Variants in ITGA9 observed in about 807,000 individuals in gnomAD.
The protein encoded by ITGA9 is integrin subunit alpha 9, also known as integrin alpha-9.
In ITGA9, 56 loss-of-function variants were observed where a neutral mutation model predicts 127.8. The ratio of observed to expected loss-of-function variants is 0.44; its 90% CI spans 0.35 to 0.55. ITGA9 has a LOEUF of 0.55. ITGA9 is among the 20% of genes least tolerant of loss of function. The pLI is 0.00. For synonymous variants in ITGA9, 508 were observed against 514.5 expected (o/e 0.99, Z 0.17); for missense variants, 1,196 against 1,347.1 (o/e 0.89, Z 1.76).
At chr3:37,478,491 C>G (rs1698517482) in intron 3 of ITGA9, among the ~76,000 whole-genome samples, 1 of 152,140 alleles carries the variant, frequency 6.6e-6, no homozygotes, top group South Asian at 2.1e-4. Context: ...GTGTCAGATT[C>G]TAATATTTGG....
intron 15 of ITGA9, among the ~76,000 whole-genome samples, chr3:37,621,530 G>A (rs138265484): frequency 9.2e-5 from 14 of 152,298 alleles, no homozygotes; most frequent in African/African-American, 3.4e-4. Flanking sequence ...ACAGAGCTGA[G>A]ATCCAGTTCC....
At chr3:37,655,480 C>A (rs1254080198) in intron 17 of ITGA9, among the ~76,000 whole-genome samples, 1 of 152,088 alleles carries the variant, frequency 6.6e-6, no homozygotes, top group Non-Finnish European at 1.5e-5. Context: ...ATTTGTTGGC[C>A]GCATAAATGT....
chr3:37,703,210 TTTTTTATGACCGGAATC>T (rs1700966571), intron 18 of ITGA9, among the ~76,000 whole-genome samples: 4 of 152,228 alleles, frequency 2.6e-5, no homozygotes, highest in African/African-American at 9.6e-5. Flanking sequence ...ATGTTTTAAT[TTTTTTATGACCGGAATC>T]TTTTCCTTCA....
chr3:37,642,359 A>G (rs1180268514), intron 16 of ITGA9, among the ~76,000 whole-genome samples: 2 of 152,206 alleles, frequency 1.3e-5, no homozygotes, highest in Non-Finnish European at 1.5e-5. Flanking sequence ...GATCTATTTT[A>G]TCTTATTTGC....
chr3:37,648,723 A>G (rs534452151), intron 16 of ITGA9, among the ~76,000 whole-genome samples: 1 of 152,324 alleles, frequency 6.6e-6, no homozygotes, highest in East Asian at 1.9e-4. Context: ...AGGACACTAA[A>G]TAGCACAAGA....
intron 19 of ITGA9, 181 bp downstream of exon 19, chr3:37,732,979 C>A: frequency 1.5e-6 from 1 of 645,818 alleles, no homozygotes; most frequent in Non-Finnish European, 2.8e-6. Flanking sequence ...GGGTATACTC[C>A]GGAGGGGCTG....
chr3:37,690,951 C>T (rs537326130), intron 18 of ITGA9, among the ~76,000 whole-genome samples: 1 of 152,248 alleles, frequency 6.6e-6, no homozygotes, highest in East Asian at 1.9e-4. Context: ...GGGGCTTATT[C>T]CTGCAGGGCA....
intron 18 of ITGA9, among the ~76,000 whole-genome samples, chr3:37,694,603 A>G (rs955341308): frequency 2.6e-5 from 4 of 152,244 alleles, no homozygotes; most frequent in Non-Finnish European, 5.9e-5. Flanking sequence ...ACAGAGCTGT[A>G]GTTACGACAA....
At chr3:37,621,738 C>T (rs1575170492) in intron 15 of ITGA9, among the ~76,000 whole-genome samples, 1 of 152,208 alleles carries the variant, frequency 6.6e-6, no homozygotes, top group African/African-American at 2.4e-5. Context: ...TTTTGACCCT[C>T]CTGAGCACTG....
chr3:37,750,496 C>T lies in ITGA9; in HGVS notation c.2468C>T (p.Ser823Leu). The T allele has an allele frequency of 6.2e-7, 1 of 1,612,096 alleles. No homozygotes were observed. The highest frequency in any genetic ancestry group is 8.5e-7 in the Non-Finnish European group (1 of 1,178,210). ...YNTGPSTLPGSSVSISFPNRL... is the reference protein window; with the variant it reads ...YNTGPSTLPGLSVSISFPNRL... The stretch of plus-strand genomic sequence containing the variant: ...ACTGGCCCAAGCACCCTTCCAGGGT[C>T]ATCTGTCAGCATCTCTTTCCCTAAT... Residue 823 changes from serine to leucine, a missense_variant, in exon 23 of 28, where the codon TCA (serine) becomes TTA (leucine). Coordinates refer to ENST00000264741, the MANE Select transcript of ITGA9 (RefSeq NM_002207.3).
chr3:37,511,307 T>A (rs1048955659), intron 8 of ITGA9, among the ~76,000 whole-genome samples: 2 of 152,186 alleles, frequency 1.3e-5, no homozygotes, highest in African/African-American at 4.8e-5. Context: ...CAGACACACA[T>A]CTCCACATTT....
In ITGA9 at chr3:37,700,372, G is replaced by A. The variant is rs112865344; in HGVS notation, c.2067+16357G>A. On this transcript the variant is annotated intron_variant, in intron 18 of 27. Coordinates refer to ENST00000264741, the MANE Select transcript of ITGA9 (RefSeq NM_002207.3). ...ACATATAATATGCAATGACTTTTTT[G>A]AGACAAGGTCTCACTCTGTTGCCCA... Among the ~76,000 whole-genome samples the A allele has an allele frequency of 5.6e-3, 850 of 151,950 alleles. 14 individuals carry two copies. Among genetic ancestry groups the A allele is most frequent in the African/African-American group, 0.02 (811 of 41,420 alleles).
At chr3:37,557,244 G>A (rs1699439870) in intron 15 of ITGA9, among the ~76,000 whole-genome samples, 1 of 152,164 alleles carries the variant, frequency 6.6e-6, no homozygotes, top group Admixed American at 6.5e-5. Context: ...AATTGCATGG[G>A]TCCTTCCTGC....
In ITGA9 at chr3:37,798,964, G is replaced by C. The variant is rs549863713; in HGVS notation, c.2890-4859G>C. On this transcript the variant is annotated intron_variant, in intron 26 of 27. Transcript: ENST00000264741. ...TTCTGTCATCATTTTTAATAGTTCT[G>C]TGGTATTCTATTTTGTGATTGACCA... is the stretch of plus-strand genomic sequence containing the variant. 1.4e-4 allele frequency among the ~76,000 whole-genome samples: 22 copies of C among 152,174 alleles called. No homozygotes were observed. The South Asian group carries it at 4.6e-3, about 32-fold the overall frequency.
chr3:37,585,850 A>G (rs941969655), intron 15 of ITGA9, among the ~76,000 whole-genome samples: 1 of 152,162 alleles, frequency 6.6e-6, no homozygotes, highest in East Asian at 1.9e-4. Flanking sequence ...GTATTTCCCA[A>G]GCTTCGCTAG....
intron 13 of ITGA9, among the ~76,000 whole-genome samples, chr3:37,531,009 C>T (rs901730442): frequency 6.6e-6 from 1 of 152,020 alleles, no homozygotes; most frequent in African/African-American, 2.4e-5. Context: ...CCTCAGCCTC[C>T]CAAAGTGCTG....
intron 15 of ITGA9, among the ~76,000 whole-genome samples, chr3:37,551,502 A>C (rs553986619): frequency 1.3e-5 from 2 of 152,214 alleles, no homozygotes; most frequent in Non-Finnish European, 2.9e-5. Flanking sequence ...TGCCTTGATC[A>C]TGTGAGACCT....
chr3:37,707,511 A>G (rs770595754), intron 18 of ITGA9, among the ~76,000 whole-genome samples: 15 of 152,100 alleles, frequency 9.9e-5, no homozygotes, highest in Admixed American at 8.5e-4. Context: ...ATTTTTTGTC[A>G]TGCATCTTCT....
chr3:37,520,330 T>C (rs554246222), intron 11 of ITGA9, among the ~76,000 whole-genome samples: 2 of 152,298 alleles, frequency 1.3e-5, no homozygotes, highest in East Asian at 3.9e-4. Flanking sequence ...TTTGGGTGCC[T>C]ACTCTGCCCT....
Sources: allele counts gnomAD v4.1 joint callset (sites outside exome capture counted in the v4.1 genomes callset), GRCh38; gene constraint gnomAD v4.1.1; transcripts MANE v1.5; gene names NCBI Gene and HGNC (gene_info 2026-07-23, HGNC 2026-07-21).